Variants in C6orf52 observed in about 807,000 individuals in gnomAD.
The protein encoded by C6orf52 is chromosome 6 open reading frame 52, also known as putative uncharacterized protein C6orf52.
A neutral mutation model predicts 16.6 loss-of-function variants in C6orf52; 16 were observed. That is an observed-to-expected ratio of 0.96 (90% confidence interval 0.65 to 1.46). The LOEUF (loss-of-function observed/expected upper bound fraction) is 1.46. C6orf52 is among the 40% of genes most tolerant of loss of function. The pLI is 0.00. For synonymous variants in C6orf52, 53 were observed against 61.4 expected, an observed-to-expected ratio of 0.86 and a Z score of 0.64; for missense variants, 166 against 182.3, an observed-to-expected ratio of 0.91 and a Z score of 0.52.
chr6:10,689,237 C>G (rs978426697), intron 1 of C6orf52, among the ~76,000 whole-genome samples: 1 of 152,216 alleles, frequency 6.6e-6, no homozygotes, highest in African/African-American at 2.4e-5. Flanking sequence ...TCCCAAAGTT[C>G]TGGGATTACA....
intron 4 of C6orf52, chr6:10,672,681 CT>C: frequency 1.5e-6 from 1 of 659,520 alleles, no homozygotes; most frequent in South Asian, 1.7e-5. Flanking sequence ...GAGCAGAGAA[CT>C]TGCTCACATT....
intron 4 of C6orf52, among the ~76,000 whole-genome samples, chr6:10,676,184 T>C (rs1426320467): frequency 1.3e-5 from 2 of 152,140 alleles, no homozygotes; most frequent in Non-Finnish European, 2.9e-5. Flanking sequence ...AAAAACCATC[T>C]GTACCCCCAA....
intron 4 of C6orf52, among the ~76,000 whole-genome samples, chr6:10,680,957 T>C (rs1477476506): frequency 6.6e-6 from 1 of 152,126 alleles, no homozygotes; most frequent in Non-Finnish European, 1.5e-5. Context: ...CATGCTACCA[T>C]ACCCAGTTAT....
At chr6:10,694,764 G>A (rs1343041893), upstream of C6orf52, 1 of 499,428 alleles carries the variant, frequency 2.0e-6, no homozygotes, top group African/African-American at 1.9e-5. Flanking sequence ...ACCTCCTCAT[G>A]TGGCATCTTT....
At chr6:10,672,002 A>G (rs182274049) in intron 4 of C6orf52, among the ~76,000 whole-genome samples, 1 of 152,226 alleles carries the variant, frequency 6.6e-6, no homozygotes, top group African/African-American at 2.4e-5. Flanking sequence ...GTAAAAATAC[A>G]CATGCTACTT....
chr6:10,678,070 C>A (rs1482949903), intron 4 of C6orf52, among the ~76,000 whole-genome samples: 2 of 151,162 alleles, frequency 1.3e-5, no homozygotes, highest in East Asian at 4.0e-4. Flanking sequence ...TAATTCCAAT[C>A]CTACTTGGGA....
chr6:10,683,652 C>T (rs534835424), intron 3 of C6orf52, among the ~76,000 whole-genome samples: 2 of 152,320 alleles, frequency 1.3e-5, no homozygotes, highest in African/African-American at 4.8e-5. Context: ...TCCATGAGCA[C>T]GTTTTTCTCA....
intron 4 of C6orf52, among the ~76,000 whole-genome samples, chr6:10,680,296 G>T (rs1169100333): frequency 6.6e-6 from 1 of 151,644 alleles, no homozygotes; most frequent in African/African-American, 2.4e-5. Flanking sequence ...TCATTCTGTT[G>T]ATGGGATAAT....
At chr6:10,690,859 TAGG>T (rs1476560136) in intron 1 of C6orf52, among the ~76,000 whole-genome samples, 5 of 152,304 alleles carry the variant, frequency 3.3e-5, no homozygotes, top group East Asian at 3.9e-4. Context: ...GGAAAGAGAA[TAGG>T]AGGATTTACA....
chr6:10,676,080 A>G (rs1007352716), intron 4 of C6orf52, among the ~76,000 whole-genome samples: 2 of 152,206 alleles, frequency 1.3e-5, no homozygotes, highest in African/African-American at 4.8e-5. Flanking sequence ...CAGTGAGCCG[A>G]AATCACGCCA....
intron 4 of C6orf52, among the ~76,000 whole-genome samples, chr6:10,673,783 G>A (rs1217675898): frequency 6.6e-6 from 1 of 152,092 alleles, no homozygotes; most frequent in Non-Finnish European, 1.5e-5. Context: ...TTAAAACTCT[G>A]CTTGAAGGTA....
chr6:10,681,585 G>A (rs1039019326), intron 4 of C6orf52, among the ~76,000 whole-genome samples: 2 of 152,146 alleles, frequency 1.3e-5, no homozygotes, highest in African/African-American at 4.8e-5. Flanking sequence ...TTATGATATG[G>A]CAGCAGCTGT....
chr6:10,690,160 G>A (rs1387613528), intron 1 of C6orf52, among the ~76,000 whole-genome samples: 1 of 152,194 alleles, frequency 6.6e-6, no homozygotes, highest in Non-Finnish European at 1.5e-5. Context: ...GATGGCAGCA[G>A]CTGTGGAACA....
At chr6:10,681,949 T>G (rs1302441415) in intron 4 of C6orf52, among the ~76,000 whole-genome samples, 4 of 152,120 alleles carry the variant, frequency 2.6e-5, no homozygotes, top group African/African-American at 7.2e-5. Flanking sequence ...TAAATCAATG[T>G]GGAGTGGCTC....
chr6:10,681,982 T>C (rs1008409987), intron 4 of C6orf52, among the ~76,000 whole-genome samples: 10 of 152,100 alleles, frequency 6.6e-5, no homozygotes, highest in Admixed American at 2.0e-4. Flanking sequence ...CACGTGCACA[T>C]TGGAAGAATG....
intron 1 of C6orf52, among the ~76,000 whole-genome samples, chr6:10,691,973 C>G (rs1353323476): frequency 2.0e-5 from 3 of 152,270 alleles, no homozygotes; most frequent in Non-Finnish European, 1.5e-5. Flanking sequence ...GTGTGACAGT[C>G]TGGTAACAGA....
At chr6:10,684,781 G>T in intron 3 of C6orf52, 2 of 930,500 alleles carry the variant, frequency 2.1e-6, no homozygotes, top group Non-Finnish European at 3.0e-6. Flanking sequence ...TCTTGGCAAG[G>T]ACACACGTTA....
At chr6:10,672,601 G>A in intron 4 of C6orf52, 1 of 701,832 alleles carries the variant, frequency 1.4e-6, no homozygotes, top group South Asian at 1.5e-5. Flanking sequence ...AAATCTGGGA[G>A]TTTGAGATCA....
chr6:10,675,077 G>C (rs994121637), intron 4 of C6orf52, among the ~76,000 whole-genome samples: 1 of 152,080 alleles, frequency 6.6e-6, no homozygotes, highest in Non-Finnish European at 1.5e-5. Context: ...CCAAAGTGCT[G>C]GGATTACAGG....
Sources: gnomAD v4.1 joint callset for allele counts (sites outside exome capture counted in the v4.1 genomes callset) on GRCh38, gnomAD v4.1.1 for gene constraint, MANE v1.5 for transcripts, NCBI Gene and HGNC (gene_info 2026-07-23, HGNC 2026-07-21) for gene names.